LRMDA: variants seen among roughly 807,000 people sequenced by gnomAD.
The protein encoded by LRMDA is leucine rich melanocyte differentiation associated.
In LRMDA, 18 loss-of-function variants were observed where a neutral mutation model predicts 29.8. The ratio of observed to expected loss-of-function variants is 0.60; its 90% CI spans 0.42 to 0.90. The LOEUF is 0.90. LRMDA is among the 40% of genes least tolerant of loss of function. LRMDA has a pLI of 0.00. For missense variants in LRMDA, 273 were observed against 273.9 expected, an observed-to-expected ratio of 1.00 and a Z score of 0.02; for synonymous variants, 125 against 109.4, an observed-to-expected ratio of 1.14 and a Z score of -0.89.
intron 2 of LRMDA, among the ~76,000 whole-genome samples, chr10:75,673,393 C>G (rs1257806085): frequency 1.3e-5 from 2 of 152,148 alleles, no homozygotes; most frequent in African/African-American, 4.8e-5. Flanking sequence ...CTTCATTTTT[C>G]AGATAAAAAA....
At chr10:75,472,977 G>A (rs1173949105) in intron 2 of LRMDA, among the ~76,000 whole-genome samples, 1 of 152,204 alleles carries the variant, frequency 6.6e-6, no homozygotes, top group Non-Finnish European at 1.5e-5. Flanking sequence ...GGCATGATCT[G>A]CCGTGTTGGT....
chr10:75,573,391 C>T (rs952429505), intron 2 of LRMDA, among the ~76,000 whole-genome samples: 8 of 152,100 alleles, frequency 5.3e-5, no homozygotes, highest in African/African-American at 1.4e-4. Context: ...TTCTATTTCT[C>T]TTTATTCTTT....
chr10:76,294,129 C>T (rs925755913), intron 5 of LRMDA, among the ~76,000 whole-genome samples: 2 of 152,154 alleles, frequency 1.3e-5, no homozygotes, highest in Non-Finnish European at 2.9e-5. Flanking sequence ...CAATCTCTTG[C>T]GGAAAATACG....
intron 6 of LRMDA, among the ~76,000 whole-genome samples, chr10:76,454,712 T>C (rs1446024077): frequency 6.8e-6 from 1 of 146,744 alleles, no homozygotes; most frequent in East Asian, 2.2e-4. Flanking sequence ...TTGTGCCCAA[T>C]GACAGAGTAG....
chr10:76,204,348 C>T (rs1466960418), intron 5 of LRMDA, among the ~76,000 whole-genome samples: 3 of 152,168 alleles, frequency 2.0e-5, no homozygotes, highest in African/African-American at 7.2e-5. Flanking sequence ...GCCCATCCAC[C>T]CATCTCTATT....
intron 2 of LRMDA, among the ~76,000 whole-genome samples, chr10:75,729,682 G>T (rs759708701): frequency 1.3e-5 from 2 of 152,192 alleles, no homozygotes; most frequent in Non-Finnish European, 2.9e-5. Flanking sequence ...CTGTGTGGTA[G>T]TAACTTCAAA....
rs554546379 is a variant in LRMDA at position 75,512,996 on chromosome 10, G to A, written c.131+74502G>A. ...GTTATGTGAAAAAGGGGGTTTTCTC[G>A]GTTTGGGGAGTTTAATTCCCTCCCT... is the stretch of plus-strand genomic sequence containing the variant. On this transcript the variant is annotated intron_variant, in intron 2 of 6. Transcript: ENST00000611255. Among the ~76,000 whole-genome samples the A allele has an allele frequency of 1.9e-3, 286 of 152,146 alleles. 1 individual carries two copies. Among genetic ancestry groups the A allele is most frequent in the African/African-American group, 6.5e-3 (271 of 41,498 alleles).
intron 6 of LRMDA, among the ~76,000 whole-genome samples, chr10:76,330,694 C>T (rs2132406283): frequency 6.6e-6 from 1 of 152,288 alleles, no homozygotes. Flanking sequence ...TTTCAAAGCA[C>T]TCAGCACGTC....
At chr10:76,379,380 A>AT (rs1369669486) in intron 6 of LRMDA, among the ~76,000 whole-genome samples, 1 of 151,422 alleles carries the variant, frequency 6.6e-6, no homozygotes, top group Non-Finnish European at 1.5e-5. Flanking sequence ...TTGTTAGGAG[A>AT]TTTTTTACTA....
intron 6 of LRMDA, among the ~76,000 whole-genome samples, chr10:76,411,323 A>C (rs1282838253): frequency 6.6e-6 from 1 of 152,154 alleles, no homozygotes; most frequent in Non-Finnish European, 1.5e-5. Flanking sequence ...TTCAGACCAG[A>C]TTTCATCCAG....
chr10:76,035,326 A>C (rs1455302700), intron 2 of LRMDA, among the ~76,000 whole-genome samples: 7 of 152,148 alleles, frequency 4.6e-5, no homozygotes, highest in African/African-American at 1.7e-4. Flanking sequence ...ATAATAAAAG[A>C]AAAAGCCCTC....
At chr10:76,126,604 T>G (rs1849888525) in intron 5 of LRMDA, among the ~76,000 whole-genome samples, 1 of 152,202 alleles carries the variant, frequency 6.6e-6, no homozygotes, top group Admixed American at 6.5e-5. Context: ...TTCTGTTTCT[T>G]TTTGTGTTTC....
intron 2 of LRMDA, among the ~76,000 whole-genome samples, chr10:75,761,587 T>C (rs1022431613): frequency 1.3e-5 from 2 of 152,174 alleles, no homozygotes; most frequent in Admixed American, 6.5e-5. Flanking sequence ...TTTGGGATGA[T>C]GAAAAAGTTC....
chr10:76,010,563 T>C (rs1190911756), intron 2 of LRMDA, among the ~76,000 whole-genome samples: 2 of 152,142 alleles, frequency 1.3e-5, no homozygotes, highest in African/African-American at 2.4e-5. Flanking sequence ...CTGCCCACCT[T>C]GGCCTCCCAA....
chr10:76,372,896 C>T (rs1301614525), intron 6 of LRMDA, among the ~76,000 whole-genome samples: 1 of 152,100 alleles, frequency 6.6e-6, no homozygotes, highest in Admixed American at 6.6e-5. Context: ...TATCAGCTTA[C>T]CCCAAACTGT....
intron 5 of LRMDA, among the ~76,000 whole-genome samples, chr10:76,250,116 CATTT>C (rs1852448956): frequency 6.6e-6 from 1 of 152,120 alleles, no homozygotes; most frequent in Non-Finnish European, 1.5e-5. Context: ...ACAAATTTTT[CATTT>C]AACACAGTTG....
chr10:75,600,621 C>T (rs1040415016), intron 2 of LRMDA, among the ~76,000 whole-genome samples: 13 of 152,108 alleles, frequency 8.5e-5, no homozygotes, highest in African/African-American at 3.1e-4. Context: ...CTAAAGTTCC[C>T]AGATTTGGGG....
At chr10:75,434,815 A>G (rs545359482) in intron 1 of LRMDA, among the ~76,000 whole-genome samples, 1 of 152,348 alleles carries the variant, frequency 6.6e-6, no homozygotes, top group Admixed American at 6.5e-5. Flanking sequence ...TCAAAAAATA[A>G]TCTCCTCAAC....
chr10:76,471,414 A>G (rs1414252109), intron 6 of LRMDA, among the ~76,000 whole-genome samples: 1 of 151,798 alleles, frequency 6.6e-6, no homozygotes, highest in Non-Finnish European at 1.5e-5. Context: ...AATAAAATCT[A>G]ATAAAATAAC....
Sources: allele counts gnomAD v4.1 joint callset (sites outside exome capture counted in the v4.1 genomes callset), GRCh38; gene constraint gnomAD v4.1.1; transcripts MANE v1.5; gene names NCBI Gene and HGNC (gene_info 2026-07-23, HGNC 2026-07-21).